ZNF83: variants seen among roughly 807,000 people sequenced by gnomAD.
ZNF83 encodes the protein zinc finger protein 83, also known as zinc finger protein 816B.
For synonymous variants in ZNF83, 209 were observed against 213.0 expected (o/e 0.98, Z 0.17); for missense variants, 552 against 629.9 (o/e 0.88, Z 1.32).
exon 3 of ZNF83, chr19:52,613,039 CCGG>C (rs1295348992): frequency 2.5e-6 from 4 of 1,601,992 alleles, no homozygotes; most frequent in Non-Finnish European, 3.4e-6. Flanking sequence ...AGATTTCTTT[CCGG>C]CATGAAATCT....
intron 2 of ZNF83, among the ~76,000 whole-genome samples, chr19:52,660,293 A>G (rs924741746): frequency 3.3e-5 from 5 of 152,190 alleles, no homozygotes; most frequent in Non-Finnish European, 7.3e-5. Flanking sequence ...TCAGTTTTCA[A>G]TGCCCCAACT....
intron 2 of ZNF83, among the ~76,000 whole-genome samples, chr19:52,658,304 G>A (rs1358061370): frequency 1.3e-5 from 2 of 152,176 alleles, no homozygotes; most frequent in East Asian, 3.9e-4. Context: ...CAGCACTCAC[G>A]CCTGTAATTC....
rs571617626 is a variant in ZNF83, at chr19:52,628,628, T to C, written c.-234+6438A>G. ...TCAGACCACACAGGGACGCCTGCCT[T>C]GGTCCTTCACCCTTAGCAGCAAGTT... On this transcript the variant is annotated intron_variant, in intron 2 of 2. Coordinates refer to ENST00000301096, the Ensembl canonical transcript of ZNF83. Among the ~76,000 whole-genome samples the C allele has an allele frequency of 6.6e-5, 10 of 152,204 alleles. No individual in the cohort carries two copies. The South Asian group carries it at 2.1e-3, about 32-fold the overall frequency.
rs1166118215 is a variant in ZNF83 at position 52,676,725 on chromosome 19, G to A, written c.-283+13718C>T. Among the ~76,000 whole-genome samples the A allele has an allele frequency of 5.7e-4, 80 of 139,384 alleles. 2 individuals carry two copies. Among genetic ancestry groups the A allele is most frequent in the Admixed American group, 1.2e-3 (17 of 13,936 alleles). 91.4% of individuals were successfully genotyped at this position (139,384 alleles called of 152,430 possible). The stretch of plus-strand genomic sequence containing the variant: ...GAAAAGATTGAGAAATCGGATGGTT[G>A]CCGTGTCTGTGTAGAAAGAAGTAGA... On this transcript the variant is annotated intron_variant, in intron 1 of 5. Transcript: ENST00000594682.
Position 52,661,231 on chromosome 19 carries a change from G to A in ZNF83, c.-282-388C>T, listed in dbSNP as rs146899783. Among the ~76,000 whole-genome samples the A allele has an allele frequency of 5.4e-4, 82 of 152,100 alleles. No homozygotes were observed. In the East Asian group the frequency reaches 0.01, roughly 19 times the overall value. On this transcript the variant is annotated intron_variant, in intron 1 of 5. Transcript: ENST00000594682. ...AACATACACAGGGGAGACCTTACCC[G>A]GTATAAAGACTGTCCTCTACTGCCC...
chr19:52,676,990 G>A (rs1166622875), intron 1 of ZNF83, among the ~76,000 whole-genome samples: 2 of 145,432 alleles, frequency 1.4e-5, no homozygotes, highest in African/African-American at 2.6e-5. Flanking sequence ...CAAACACTGC[G>A]GAAGGCCGCA....
At chr19:52,687,653 ATATAATGTATATATATATAT>A (rs1568589231) in intron 1 of ZNF83, among the ~76,000 whole-genome samples, 1 of 25,578 alleles carries the variant, frequency 3.9e-5, no homozygotes, top group African/African-American at 4.4e-4. Context: ...ATATATATAT[ATATAATGTATATATATATAT>A]AACTAGCCGG....
chr19:52,666,127 G>A (rs956229671), intron 1 of ZNF83, among the ~76,000 whole-genome samples: 3 of 142,312 alleles, frequency 2.1e-5, no homozygotes, highest in Non-Finnish European at 4.5e-5. Context: ...TCGCACCACT[G>A]CACTCCAGCC....
chr19:52,684,134 C>A (rs891598670), intron 1 of ZNF83, among the ~76,000 whole-genome samples: 1 of 152,060 alleles, frequency 6.6e-6, no homozygotes, highest in East Asian at 1.9e-4. Flanking sequence ...TCTGGGAGGC[C>A]GAGGCTGGTG....
At chr19:52,643,151 T>C (rs373638873), upstream of ZNF83, among the ~76,000 whole-genome samples, 4 of 147,874 alleles carry the variant, frequency 2.7e-5, no homozygotes, top group East Asian at 8.2e-4. Flanking sequence ...GCACTCCAGC[T>C]GGGCGACAGA....
chr19:52,634,429 C>G (rs528967192), intron 2 of ZNF83, among the ~76,000 whole-genome samples: 1 of 152,152 alleles, frequency 6.6e-6, no homozygotes, highest in Non-Finnish European at 1.5e-5. Flanking sequence ...ACAATCTCCA[C>G]GAGCTTAATG....
intron 2 of ZNF83, 91 bp from the exon 3 acceptor site, chr19:52,614,888 A>C (rs1229991656): frequency 1.8e-6 from 2 of 1,118,278 alleles, no homozygotes; most frequent in African/African-American, 3.2e-5. Context: ...CACTAAGAGT[A>C]ATACTTATGT....
At chr19:52,652,624 C>G (rs555611034) in intron 3 of ZNF83, 5 of 465,286 alleles carry the variant, frequency 1.1e-5, no homozygotes, top group Non-Finnish European at 2.1e-5. Flanking sequence ...GAAATATCTG[C>G]CACATTTACT....
At chr19:52,662,005 G>T (rs1416790497) in intron 1 of ZNF83, among the ~76,000 whole-genome samples, 3 of 152,096 alleles carry the variant, frequency 2.0e-5, no homozygotes. Context: ...CGTGGCTGGA[G>T]CAGAGGGAGT....
chr19:52,652,801 T>C (rs1190411096), intron 3 of ZNF83: 32 of 891,248 alleles, frequency 3.6e-5, no homozygotes, highest in Admixed American at 3.7e-5. Flanking sequence ...GCCACACTCA[T>C]TGCACTTATA....
chr19:52,670,075 C>CT (rs1243982372), intron 1 of ZNF83, among the ~76,000 whole-genome samples: 2 of 152,146 alleles, frequency 1.3e-5, no homozygotes, highest in Admixed American at 1.3e-4. Flanking sequence ...ATAAAGCAAC[C>CT]TTTTTCGATC....
At chr19:52,685,867 C>G (rs1018112872) in intron 1 of ZNF83, among the ~76,000 whole-genome samples, 1 of 148,126 alleles carries the variant, frequency 6.8e-6, no homozygotes, top group Admixed American at 6.9e-5. Flanking sequence ...CATTGCACTT[C>G]CAGCCTGGGG....
At chr19:52,613,044 A>G (rs1273045448) in exon 3 of ZNF83, 10 of 1,604,846 alleles carry the variant, frequency 6.2e-6, no homozygotes, top group Non-Finnish European at 7.7e-6. Flanking sequence ...TCTTTCCGGC[A>G]TGAAATCTCT....
At chr19:52,659,613 C>CAAAAA (rs67918270) in intron 2 of ZNF83, among the ~76,000 whole-genome samples, 80 of 114,266 alleles carry the variant, frequency 7.0e-4, no homozygotes, top group African/African-American at 1.2e-3. Context: ...GACTCCAACT[C>CAAAAA]AAAAAAAAAA....
Sources: gnomAD v4.1 joint callset for allele counts (sites outside exome capture counted in the v4.1 genomes callset) on GRCh38, gnomAD v4.1.1 for gene constraint, MANE v1.5 for transcripts, NCBI Gene and HGNC (gene_info 2026-07-23, HGNC 2026-07-21) for gene names.